Variants in GRID2 observed in about 807,000 individuals in gnomAD.
The protein encoded by GRID2 is glutamate ionotropic receptor delta type subunit 2.
A neutral mutation model predicts 114.8 loss-of-function variants in GRID2; 33 were observed. The ratio of observed to expected loss-of-function variants is 0.29; its 90% CI spans 0.22 to 0.38. The LOEUF (loss-of-function observed/expected upper bound fraction) is 0.38, where lower values mean the gene tolerates loss of function less well. GRID2 is among the 10% of genes least tolerant of loss of function. The pLI, the probability that GRID2 is intolerant of heterozygous loss-of-function variation, is 1.00. For missense variants in GRID2, 1,184 were observed against 1,257.7 expected, an observed-to-expected ratio of 0.94 and a Z score of 0.89; for synonymous variants, 505 against 449.9, an observed-to-expected ratio of 1.12 and a Z score of -1.55.
At chr4:92,754,894 A>C (rs761940587) in intron 2 of GRID2, among the ~76,000 whole-genome samples, 1 of 152,160 alleles carries the variant, frequency 6.6e-6, no homozygotes, top group African/African-American at 2.4e-5. Flanking sequence ...TTTCATTTAC[A>C]TCTATTGTAA....
At chr4:93,588,344 T>C (rs1737753446) in intron 13 of GRID2, among the ~76,000 whole-genome samples, 1 of 152,266 alleles carries the variant, frequency 6.6e-6, no homozygotes, top group South Asian at 2.1e-4. Context: ...ACATTCATTA[T>C]GTTGTAAATG....
chr4:93,322,939 G>A (rs1205648320), intron 8 of GRID2, among the ~76,000 whole-genome samples: 1 of 152,116 alleles, frequency 6.6e-6, no homozygotes, highest in African/African-American at 2.4e-5. Context: ...GTAGATTCTG[G>A]ATATAAGCCC....
intron 1 of GRID2, among the ~76,000 whole-genome samples, chr4:92,328,418 C>T (rs545607665): frequency 6.2e-4 from 94 of 152,104 alleles, no homozygotes; most frequent in South Asian, 2.1e-4. Flanking sequence ...CACAGCATAA[C>T]GGACTTGCGT....
chr4:93,578,470 T>C (rs530635976), intron 13 of GRID2, among the ~76,000 whole-genome samples: 1 of 151,546 alleles, frequency 6.6e-6, no homozygotes, highest in Non-Finnish European at 1.5e-5. Flanking sequence ...CAAAATTAGA[T>C]ACAAAAATGA....
intron 2 of GRID2, among the ~76,000 whole-genome samples, chr4:92,879,403 C>T (rs2149455406): frequency 6.6e-6 from 1 of 152,288 alleles, no homozygotes; most frequent in Non-Finnish European, 1.5e-5. Context: ...CTACATCTGG[C>T]ACATCTAAGC....
At chr4:92,384,108 A>G (rs1313809680) in intron 1 of GRID2, among the ~76,000 whole-genome samples, 1 of 151,334 alleles carries the variant, frequency 6.6e-6, no homozygotes, top group Non-Finnish European at 1.5e-5. Flanking sequence ...GAAATATTCT[A>G]ATTTGGCAGT....
chr4:93,034,684 C>T (rs1724753692), intron 2 of GRID2, among the ~76,000 whole-genome samples: 1 of 152,136 alleles, frequency 6.6e-6, no homozygotes, highest in African/African-American at 2.4e-5. Flanking sequence ...TGGGCAAACT[C>T]TATTCCCCTG....
intron 2 of GRID2, among the ~76,000 whole-genome samples, chr4:92,746,412 A>G (rs2149335164): frequency 6.6e-6 from 1 of 152,260 alleles, no homozygotes; most frequent in Non-Finnish European, 1.5e-5. Context: ...GCCAAGAACA[A>G]TATTAAAGCC....
At chr4:93,230,604 G>A (rs781207819) in intron 7 of GRID2, among the ~76,000 whole-genome samples, 11 of 152,116 alleles carry the variant, frequency 7.2e-5, no homozygotes, top group African/African-American at 1.9e-4. Flanking sequence ...GTACAGAACC[G>A]AAATTCAGAA....
chr4:93,347,816 T>C (rs1185432498), intron 8 of GRID2, among the ~76,000 whole-genome samples: 1 of 152,292 alleles, frequency 6.6e-6, no homozygotes, highest in East Asian at 1.9e-4. Flanking sequence ...GCAGTTGCAC[T>C]CCAGAGTACG....
At position 93,549,268 on chromosome 4, in the gene GRID2, ATT is replaced by A. The variant is rs79964242; in HGVS notation, c.2193+33859_2193+33860del. ...AAGGGAGAGTAAAAGTTGTGCTTGC[ATT>A]TACTTATACCAAAAAGTAGGATGTA... is the stretch of plus-strand genomic sequence containing the variant. On this transcript the variant is annotated intron_variant, in intron 13 of 15. Transcript: ENST00000282020. Among the ~76,000 whole-genome samples the A allele has an allele frequency of 3.2e-3, 486 of 152,334 alleles. 12 individuals carry two copies. Among genetic ancestry groups the A allele is most frequent in the Admixed American group, 0.022 (338 of 15,298 alleles).
intron 2 of GRID2, among the ~76,000 whole-genome samples, chr4:93,029,802 G>T (rs931702898): frequency 6.6e-6 from 1 of 151,966 alleles, no homozygotes; most frequent in African/African-American, 2.4e-5. Flanking sequence ...TTGAAAAATT[G>T]CCTGATTAGC....
chr4:93,622,728 T>C (rs1039089062), intron 13 of GRID2, among the ~76,000 whole-genome samples: 1 of 152,222 alleles, frequency 6.6e-6, no homozygotes, highest in Non-Finnish European at 1.5e-5. Context: ...TGAGCACAGT[T>C]AACTGGACTG....
chr4:92,436,552 A>G (rs1732745042), intron 1 of GRID2, among the ~76,000 whole-genome samples: 1 of 152,030 alleles, frequency 6.6e-6, no homozygotes, highest in Admixed American at 6.6e-5. Flanking sequence ...TAACTGACAT[A>G]AGTATCATTT....
intron 11 of GRID2, among the ~76,000 whole-genome samples, chr4:93,485,177 C>T (rs960846941): frequency 1.4e-4 from 21 of 151,250 alleles, no homozygotes; most frequent in Non-Finnish European, 1.5e-5. Flanking sequence ...AGATTGCTAC[C>T]TTTTCATATA....
At chr4:92,328,362 T>C (rs1281818404) in intron 1 of GRID2, among the ~76,000 whole-genome samples, 1 of 152,058 alleles carries the variant, frequency 6.6e-6, no homozygotes, top group Non-Finnish European at 1.5e-5. Flanking sequence ...AATGGAACAC[T>C]TTGAAGTTCA....
At chr4:93,063,233 A>C (rs1727964171) in intron 2 of GRID2, among the ~76,000 whole-genome samples, 1 of 151,954 alleles carries the variant, frequency 6.6e-6, no homozygotes, top group South Asian at 2.1e-4. Context: ...TAAATAAAAG[A>C]GATTGACACT....
At chr4:92,969,340 C>T (rs1753352753) in intron 2 of GRID2, among the ~76,000 whole-genome samples, 1 of 151,540 alleles carries the variant, frequency 6.6e-6, no homozygotes, top group African/African-American at 2.4e-5. Context: ...TGTATAACTG[C>T]CTTATTAGAT....
intron 1 of GRID2, among the ~76,000 whole-genome samples, chr4:92,584,754 T>C (rs1347531684): frequency 6.6e-6 from 1 of 151,832 alleles, no homozygotes; most frequent in Non-Finnish European, 1.5e-5. Flanking sequence ...TGTCTATATA[T>C]AGCCACCATA....
Sources: allele counts gnomAD v4.1 joint callset (sites outside exome capture counted in the v4.1 genomes callset), GRCh38; gene constraint gnomAD v4.1.1; transcripts MANE v1.5; gene names NCBI Gene and HGNC (gene_info 2026-07-23, HGNC 2026-07-21).